TEP1: variants seen among roughly 807,000 people sequenced by gnomAD.
TEP1 encodes telomerase associated protein 1.
In TEP1, 241 loss-of-function variants were observed where a neutral mutation model predicts 306.3. That is an observed-to-expected ratio of 0.79 (90% CI 0.71 to 0.88). The LOEUF (loss-of-function observed/expected upper bound fraction) is 0.88, where lower values mean the gene tolerates loss of function less well. Among genes scored for constraint, TEP1 ranks in the 40% least tolerant of loss-of-function variants. The pLI is 0.00. For synonymous variants in TEP1, 1,289 were observed against 1,305.5 expected (o/e 0.99, Z 0.27); for missense variants, 3,051 against 3,276.1 (o/e 0.93, Z 1.68).
At position 20,383,591 on chromosome 14, in the gene TEP1, A is replaced by G. The variant is rs1876793734; in HGVS notation, c.3764T>C (p.Leu1255Pro). The change falls in exon 26 of 55, where the codon CTG becomes CCG. Residue 1255 changes from leucine to proline, a missense_variant. Around this residue, in one of 3 missense-constraint regions of TEP1, gnomAD observed 4 missense variants for 19.7 expected, o/e 0.20. Transcript: ENST00000262715. ...CAGGACCTGGGTCTGGCCAGGATGC[A>G]GGGACTCAGCAGACTTGGGCAGCAG... ...QRLLPKSAES[L>P]HPGQTQVLII... 6.2e-7 allele frequency: 1 copy of G among 1,613,816 alleles called. No individual in the cohort carries two copies. The highest frequency in any genetic ancestry group is 1.3e-5 in the African/African-American group (1 of 74,932).
chr14:20,403,348 C>T (rs1041042899), intron 7 of TEP1, 29 bp downstream of exon 7: 7 of 1,613,070 alleles, frequency 4.3e-6, no homozygotes, highest in Non-Finnish European at 5.9e-6. Flanking sequence ...TGTACATGCA[C>T]ATATACAACC....
At chr14:20,402,784 T>G (rs1442249507) in intron 7 of TEP1, among the ~76,000 whole-genome samples, 4 of 152,224 alleles carry the variant, frequency 2.6e-5, no homozygotes, top group Non-Finnish European at 2.9e-5. Flanking sequence ...GGTTTGTTTT[T>G]AAAACTTCCT....
intron 3 of TEP1, among the ~76,000 whole-genome samples, chr14:20,406,011 C>CAAAA (rs765373019): frequency 5.6e-5 from 2 of 35,562 alleles, no homozygotes; most frequent in Non-Finnish European, 6.1e-5. Context: ...GACTCCATCT[C>CAAAA]AAAAAAAAAA....
chr14:20,402,476 T>TCC, intron 7 of TEP1, among the ~76,000 whole-genome samples: 1 of 152,224 alleles, frequency 6.6e-6, no homozygotes. Flanking sequence ...ATCATCTGTT[T>TCC]TAATAACGAT....
chr14:20,399,052 C>G (rs1878449845), intron 9 of TEP1, among the ~76,000 whole-genome samples: 1 of 152,118 alleles, frequency 6.6e-6, no homozygotes, highest in South Asian at 2.1e-4. Context: ...CCACCATGCC[C>G]AGCTAATTTT....
intron 10 of TEP1, 76 bp from the exon 11 acceptor site, chr14:20,396,025 G>T: frequency 9.2e-7 from 1 of 1,084,718 alleles, no homozygotes; most frequent in Non-Finnish European, 1.4e-6. Flanking sequence ...CACTCTATTA[G>T]CTTTGTGGGA....
rs1566442387 is a variant in TEP1, at chr14:20,374,530, A to G, written c.6370T>C (p.Cys2124Arg). Residue 2124 changes from cysteine to arginine, a missense_variant, in exon 44 of 55, where the codon TGC becomes CGC. Coordinates refer to ENST00000262715, the MANE Select transcript of TEP1 (RefSeq NM_007110.5). Reference sequence around the variant, plus strand: ...AGCCCCACAGAGCCATCACTGGAGCAGGATATCTACAGAGTCAGAAGTCAG... The same window carrying G: ...AGCCCCACAGAGCCATCACTGGAGCGGGATATCTACAGAGTCAGAAGTCAG... ...AWTKDNLLIS[C>R]SSDGSVGLWD... The G allele has an allele frequency of 1.2e-6, 2 of 1,611,868 alleles. No homozygotes were observed. The highest frequency in any genetic ancestry group is 1.7e-6 in the Non-Finnish European group (2 of 1,179,032).
rs34817105 is a variant in TEP1 at position 20,391,052 on chromosome 14, C to G, written c.2142G>C (p.Thr714=). 4 of 1,614,162 alleles carry G rather than the reference C, an allele frequency of 2.5e-6. No homozygotes were observed. Among genetic ancestry groups the G allele is most frequent in the East Asian group, 2.2e-5 (1 of 44,882 alleles). The change falls in exon 14 of 55, where the codon ACG becomes ACC. Residue 714 remains threonine, a synonymous_variant. Transcript: ENST00000262715. ...GCACGACGTCCACCTGCTCCGCCCTCGTGATCATCATCCCAATCAACAGCA... is the reference window on the plus strand; with the variant it reads ...GCACGACGTCCACCTGCTCCGCCCTGGTGATCATCATCCCAATCAACAGCA... The part of the protein sequence containing the change: ...YALLLIGMMI[T]RAEQVDVVLC...
chr14:20,379,678 C>G (rs1187121823), intron 35 of TEP1, among the ~76,000 whole-genome samples: 1 of 152,224 alleles, frequency 6.6e-6, no homozygotes, highest in Admixed American at 6.5e-5. Flanking sequence ...AAACTGACCA[C>G]TTGGTGGGCA....
rs561724576 is a variant in TEP1 at position 20,366,680 on chromosome 14, C to G, written c.*1757G>C. 1 of 152,162 alleles carries G rather than the reference C, an allele frequency of 6.6e-6. No individual in the cohort carries two copies. Among genetic ancestry groups the G allele is most frequent in the Non-Finnish European group, 1.5e-5 (1 of 68,036 alleles). The allele number at this position is 152,162 out of a possible 1,614,324, so 9.4% of individuals were successfully genotyped here. A position where few individuals can be genotyped will look rare whatever the true frequency, so the allele number is the denominator to read the frequency against. ...GAGTAAAACTCAGTGCCCTTTAACT[C>G]CCCAAGTCTTCAAAACTCATTTCTA... is the stretch of plus-strand genomic sequence containing the variant. On this transcript the variant is annotated 3_prime_UTR_variant, in exon 55 of 55. Transcript: ENST00000262715.
Position 20,381,906 on chromosome 14 carries a change from C to T in TEP1, c.4424+7G>A. The T allele has an allele frequency of 1.2e-6, 2 of 1,613,644 alleles. No individual in the cohort carries two copies. Among genetic ancestry groups the T allele is most frequent in the East Asian group, 2.2e-5 (1 of 44,884 alleles). On this transcript the variant is annotated splice_region_variant and intron_variant, in intron 30 of 54. Transcript: ENST00000262715. This position sits in a 1 kb window ranked among gnomAD's most constrained non-coding sequence, Gnocchi z 4.0. The stretch of plus-strand genomic sequence containing the variant: ...GGTCAGCGGGAGCTCTGCTGGGGCA[C>T]CTGTACCTGCGCAGACTCTGGACGA...
At position 20,378,800 on chromosome 14, in the gene TEP1, G is replaced by A. The variant is rs778578770; in HGVS notation, c.5306C>T (p.Pro1769Leu). 33 of 1,614,086 alleles carry A rather than the reference G, an allele frequency of 2.0e-5. No homozygotes were observed. Among genetic ancestry groups the A allele is most frequent in the East Asian group, 1.6e-4 (7 of 44,894 alleles). Reference protein sequence around the residue: ...QYQITGCCLSPDCRLLATVCL... With the variant: ...QYQITGCCLSLDCRLLATVCL... ...CACGGTGGCTAGCAGCCGGCAGTCT[G>A]GGCTCAGGCAGCAGCCAGTGATTTG... The change falls in exon 37 of 55, where the codon CCA becomes CTA. Residue 1769 changes from proline (P) to leucine (L), a missense_variant. Pro to Leu is a moderately conservative substitution (Grantham distance 98). Transcript: ENST00000262715.
chr14:20,371,151 C>A lies in TEP1; in HGVS notation c.7317+67G>T, dbSNP rs1884808043. 4 of 1,386,358 alleles carry A rather than the reference C, an allele frequency of 2.9e-6. No homozygotes were observed. The South Asian group carries it at 3.5e-5, about 12-fold the overall frequency. The allele number at this position is 1,386,358 out of a possible 1,614,324, so 85.9% of individuals were successfully genotyped here. Reference sequence around the variant, plus strand: ...TCCCTTCCCTATCCTCCATGACGGGCCCCAAGGTGTAAAAACACTGGTCCT... The same window carrying A: ...TCCCTTCCCTATCCTCCATGACGGGACCCAAGGTGTAAAAACACTGGTCCT... On this transcript the variant is annotated intron_variant, in intron 51 of 54. Transcript: ENST00000262715.
At chr14:20,407,807 G>T in intron 2 of TEP1, 66 bp downstream of exon 2, 1 of 1,373,254 alleles carries the variant, frequency 7.3e-7, no homozygotes, top group Non-Finnish European at 1.0e-6. Flanking sequence ...CTGAGACACT[G>T]AAAGCTAGAG....
At position 20,373,694 on chromosome 14, in the gene TEP1, G is replaced by A. The variant is rs144244427; in HGVS notation, c.6588C>T (p.Ala2196=). ...TTTTGTTACCTGCACGGGGCTCCATGGCAGCTGCACAGTGGCTAATGGGTC... is the reference window on the plus strand; with the variant it reads ...TTTTGTTACCTGCACGGGGCTCCATAGCAGCTGCACAGTGGCTAATGGGTC... The part of the protein sequence containing the change: ...HSGPISHCAA[A]MEPRAAGQPG... The change falls in exon 45 of 55, where the codon GCC becomes GCT. Residue 2196 remains alanine, a synonymous_variant. Coordinates refer to ENST00000262715, the MANE Select transcript of TEP1 (RefSeq NM_007110.5). 1.7e-5 allele frequency: 28 copies of A among 1,614,098 alleles called. No homozygotes were observed. The highest frequency in any genetic ancestry group is 4.0e-5 in the African/African-American group (3 of 74,926).
rs984168876 is a variant in TEP1 at position 20,381,780 on chromosome 14, C to A, written c.4425-94G>T. 2.6e-6 allele frequency: 4 copies of A among 1,532,348 alleles called. No homozygotes were observed. The highest frequency in any genetic ancestry group is 2.6e-6 in the Non-Finnish European group (3 of 1,143,402). The allele number at this position is 1,532,348 out of a possible 1,614,324, so 94.9% of individuals were successfully genotyped here. A position where few individuals can be genotyped will look rare whatever the true frequency, so the allele number is the denominator to read the frequency against. On this transcript the variant is annotated intron_variant, in intron 30 of 54. Coordinates refer to ENST00000262715, the MANE Select transcript of TEP1 (RefSeq NM_007110.5). The surrounding 1 kb of genome is among the most constrained non-coding windows in gnomAD (Gnocchi z 4.0). ...GGGCTCCTATTCCCCCCTCAAATAGCGGAAACTGGAGCAGCTGGAGCAGTA... is the reference window on the plus strand; with the variant it reads ...GGGCTCCTATTCCCCCCTCAAATAGAGGAAACTGGAGCAGCTGGAGCAGTA...
intron 3 of TEP1, 69 bp from the exon 4 acceptor site, chr14:20,405,654 A>C: frequency 6.4e-7 from 1 of 1,560,676 alleles, no homozygotes; most frequent in Non-Finnish European, 8.7e-7. Flanking sequence ...ATCCATGCAG[A>C]CTAACTTACA....
chr14:20,372,872 A>C lies in TEP1; in HGVS notation c.6952-15T>G, dbSNP rs752854519. On this transcript the variant is annotated splice_polypyrimidine_tract_variant and intron_variant, in intron 48 of 54. Coordinates refer to ENST00000262715, the MANE Select transcript of TEP1 (RefSeq NM_007110.5). ...TGGCCTGGAGCCTGGTGTACACAAC[A>C]AGTTCAATTCAGTGCTTCTGATGAG... 6.2e-7 allele frequency: 1 copy of C among 1,614,174 alleles called. No individual in the cohort carries two copies. Among genetic ancestry groups the C allele is most frequent in the African/African-American group, 1.3e-5 (1 of 75,034 alleles).
intron 28 of TEP1, 73 bp downstream of exon 28, chr14:20,382,550 T>C (rs574685634): frequency 1.3e-6 from 2 of 1,582,264 alleles, no homozygotes; most frequent in East Asian, 2.2e-5. Flanking sequence ...GGACGTGGGA[T>C]AGGGATGAGA....
Sources: allele counts gnomAD v4.1 joint callset (sites outside exome capture counted in the v4.1 genomes callset), GRCh38; gene constraint gnomAD v4.1.1; regional missense constraint gnomAD v4.1.1; non-coding constraint Gnocchi (gnomAD v3.1); transcripts MANE v1.5; gene names NCBI Gene and HGNC (gene_info 2026-07-23, HGNC 2026-07-21).